Variants in GREB1 observed in about 807,000 individuals in gnomAD.
GREB1 encodes protein GREB1.
GREB1 carries 106 observed loss-of-function variants against 200.7 expected under a neutral mutation model. The observed-to-expected ratio is 0.53, with a 90% CI of 0.45 to 0.62. GREB1 has a LOEUF of 0.62. GREB1 is among the 20% of genes least tolerant of loss of function. The pLI is 0.00. For synonymous variants in GREB1, 1,132 were observed against 1,092.4 expected, an observed-to-expected ratio of 1.04 and a Z score of -0.72; for missense variants, 2,243 against 2,556.8, an observed-to-expected ratio of 0.88 and a Z score of 2.65.
In GREB1 at chr2:11,558,446, C is replaced by T. The variant is rs544962222; in HGVS notation, c.157+1675C>T. On this transcript the variant is annotated intron_variant, in intron 2 of 32. Coordinates refer to ENST00000381486, the MANE Select transcript of GREB1 (RefSeq NM_014668.4). ...GCTGAGGCTTAAGCCTTCATTCCTCCGGTGCTGCGGTTGAAGGTTCCCTGC... is the reference window on the plus strand; with the variant it reads ...GCTGAGGCTTAAGCCTTCATTCCTCTGGTGCTGCGGTTGAAGGTTCCCTGC... Among the ~76,000 whole-genome samples the T allele has an allele frequency of 3.3e-5, 5 of 152,280 alleles. No individual in the cohort carries two copies. In the South Asian group the frequency reaches 1.0e-3, roughly 32 times the overall value.
At chr2:11,632,223 G>C in intron 27 of GREB1, 110 bp downstream of exon 27, 2 of 736,374 alleles carry the variant, frequency 2.7e-6, no homozygotes, top group South Asian at 3.7e-5. Flanking sequence ...TTTACTTTTG[G>C]ACTTTTAAAG....
At chr2:11,536,359 T>C (rs917248003) in intron 1 of GREB1, among the ~76,000 whole-genome samples, 4 of 152,212 alleles carry the variant, frequency 2.6e-5, no homozygotes, top group Non-Finnish European at 5.9e-5. Context: ...TTGTCTTCTC[T>C]AGTGATCTGG....
intron 13 of GREB1, among the ~76,000 whole-genome samples, chr2:11,596,576 G>T (rs1572864197): frequency 1.4e-5 from 1 of 71,112 alleles, no homozygotes. Flanking sequence ...AGGGGTGGGG[G>T]CACCAGTGTG....
chr2:11,596,935 G>T (rs1681320675), intron 13 of GREB1, among the ~76,000 whole-genome samples: 1 of 151,182 alleles, frequency 6.6e-6, no homozygotes, highest in Non-Finnish European at 1.5e-5. Flanking sequence ...AGAGGGGGCG[G>T]GGGCGCAGGT....
intron 30 of GREB1, 109 bp from the exon 31 acceptor site, chr2:11,637,607 C>A: frequency 1.2e-6 from 1 of 827,364 alleles, no homozygotes; most frequent in South Asian, 1.6e-5. Flanking sequence ...AGTTCATTCC[C>A]CTGAGTGACA....
intron 23 of GREB1, 66 bp from the exon 24 acceptor site, chr2:11,625,088 G>T (rs1000840648): frequency 2.3e-6 from 3 of 1,276,906 alleles, no homozygotes; most frequent in South Asian, 1.2e-5. Context: ...GTTGTTTAGC[G>T]ACACATGACT....
intron 25 of GREB1, among the ~76,000 whole-genome samples, chr2:11,628,891 G>C (rs935575526): frequency 6.6e-6 from 1 of 152,186 alleles, no homozygotes; most frequent in Non-Finnish European, 1.5e-5. Flanking sequence ...TGCCTGGGAC[G>C]GTGAGGGGGC....
chr2:11,500,178 T>C (rs944878848), intron 1 of GREB1, among the ~76,000 whole-genome samples: 3 of 152,196 alleles, frequency 2.0e-5, no homozygotes, highest in Non-Finnish European at 4.4e-5. Context: ...ATTTATTTAT[T>C]TGAGACGGAG....
intron 2 of GREB1, chr2:11,561,280 G>C (rs768136508): frequency 6.6e-6 from 1 of 151,828 alleles, no homozygotes; most frequent in Non-Finnish European, 1.5e-5. Flanking sequence ...TACCATACCT[G>C]ACCCTGTTAT....
At chr2:11,612,438 C>A in intron 18 of GREB1, 57 bp from the exon 19 acceptor site, 2 of 1,517,172 alleles carry the variant, frequency 1.3e-6, no homozygotes, top group Non-Finnish European at 9.1e-7. Context: ...TTCCTCTGAG[C>A]TGGGCTGGTT....
chr2:11,503,480 T>C (rs1673101274), intron 1 of GREB1, among the ~76,000 whole-genome samples: 1 of 152,238 alleles, frequency 6.6e-6, no homozygotes, highest in Non-Finnish European at 1.5e-5. Flanking sequence ...AATGTTGCTC[T>C]GATCATCCTT....
In GREB1 at chr2:11,597,831, C is replaced by G. The variant is rs561611393; in HGVS notation, c.2005C>G (p.Gln669Glu). Reference protein sequence around the residue: ...SIRPFQLAVAQKLLSHVCSIA... With the variant: ...SIRPFQLAVAEKLLSHVCSIA... ...CCGGCCCTTCCAGCTGGCAGTAGCG[C>G]AGAAGCTCCTCTCCCATGTGTGTTC... Residue 669 changes from glutamine (Q) to glutamate (E), a missense_variant, in exon 14 of 33, where the codon CAG (glutamine) becomes GAG (glutamate). By Grantham distance (29) the Gln-to-Glu change is conservative. Transcript: ENST00000381486. This position sits in a 1 kb window ranked among gnomAD's most constrained non-coding sequence, Gnocchi z 4.1. The G allele has an allele frequency of 6.2e-7, 1 of 1,614,110 alleles. No homozygotes were observed. Among genetic ancestry groups the G allele is most frequent in the Non-Finnish European group, 8.5e-7 (1 of 1,180,044 alleles).
intron 17 of GREB1, among the ~76,000 whole-genome samples, chr2:11,603,083 A>T (rs1681930605): frequency 2.0e-5 from 3 of 152,312 alleles, no homozygotes; most frequent in South Asian, 4.1e-4. Context: ...CTAGCAAGTG[A>T]CAGAACTGGG....
At chr2:11,623,077 C>T (rs1183175130) in intron 23 of GREB1, among the ~76,000 whole-genome samples, 3 of 152,208 alleles carry the variant, frequency 2.0e-5, no homozygotes, top group Admixed American at 2.0e-4. Flanking sequence ...TTTAGTCGTG[C>T]GCCACATAAT....
At chr2:11,586,241 A>T (rs955408826) in intron 9 of GREB1, among the ~76,000 whole-genome samples, 8 of 152,204 alleles carry the variant, frequency 5.3e-5, no homozygotes, top group Non-Finnish European at 7.3e-5. Context: ...CCCGGTGCTG[A>T]GTGCCGAAGA....
intron 1 of GREB1, among the ~76,000 whole-genome samples, chr2:11,513,552 T>C (rs546922994): frequency 1.2e-4 from 18 of 152,320 alleles, no homozygotes; most frequent in African/African-American, 4.3e-4. Flanking sequence ...CCTTAGCTGG[T>C]AGAATTTTCT....
At position 11,580,831 on chromosome 2, in the gene GREB1, A is replaced by T; in HGVS notation, c.900A>T (p.Leu300Phe). Residue 300 changes from leucine (L) to phenylalanine (F), a missense_variant and splice_region_variant, in exon 7 of 33, where the codon TTA (leucine) becomes TTT (phenylalanine). By Grantham distance (22) the Leu-to-Phe change is conservative (BLOSUM62 0). Transcript: ENST00000381486. The surrounding 1 kb of genome is among the most constrained non-coding windows in gnomAD (Gnocchi z 4.5). ...TGGCCCTGCCGCGACCATCGGCTTT[A>T]GGTAGCTCTGCCTGTCCTGGCCGTC... ...NLLALPRPSALGILSNSGPPK... is the reference protein window; with the variant it reads ...NLLALPRPSAFGILSNSGPPK... 1 of 1,614,262 alleles carries T rather than the reference A, an allele frequency of 6.2e-7. No individual in the cohort carries two copies. Among genetic ancestry groups the T allele is most frequent in the East Asian group, 2.2e-5 (1 of 44,888 alleles).
intron 1 of GREB1, among the ~76,000 whole-genome samples, chr2:11,483,287 TGTGCGTGC>T (rs1281584752): frequency 6.8e-6 from 1 of 147,816 alleles, no homozygotes; most frequent in Admixed American, 6.7e-5. Context: ...TGAGTGCGCG[TGTGCGTGC>T]GTGCATGTGT....
intron 1 of GREB1, among the ~76,000 whole-genome samples, chr2:11,528,515 G>A (rs1673960987): frequency 6.6e-6 from 1 of 151,896 alleles, no homozygotes; most frequent in South Asian, 2.1e-4. Flanking sequence ...TTTTGAGATT[G>A]AGTCTCGCTA....
Sources: allele counts gnomAD v4.1 joint callset (sites outside exome capture counted in the v4.1 genomes callset), GRCh38; gene constraint gnomAD v4.1.1; non-coding constraint Gnocchi (gnomAD v3.1); transcripts MANE v1.5; gene names NCBI Gene and HGNC (gene_info 2026-07-23, HGNC 2026-07-21).